SEC14L1: variants seen among roughly 807,000 people sequenced by gnomAD.
SEC14L1 encodes SEC14 like lipid binding 1.
In SEC14L1, 48 loss-of-function variants were observed where a neutral mutation model predicts 85.3. That is an observed-to-expected ratio of 0.56 (90% CI 0.45 to 0.72). The LOEUF (loss-of-function observed/expected upper bound fraction) is 0.72, where lower values mean the gene tolerates loss of function less well. Among genes scored for constraint, SEC14L1 ranks in the 30% least tolerant of loss-of-function variants. The probability of loss-of-function intolerance (pLI) is 0.00; values close to 1 mark genes in which losing one functional copy is unlikely to be tolerated. For synonymous variants in SEC14L1, 391 were observed against 355.5 expected, an observed-to-expected ratio of 1.10 and a Z score of -1.12; for missense variants, 682 against 921.4, an observed-to-expected ratio of 0.74 and a Z score of 3.36.
chr17:77,194,500 T>TTC, intron 6 of SEC14L1, among the ~76,000 whole-genome samples, 177 bp from the exon 7 acceptor site: 1 of 151,520 alleles, frequency 6.6e-6, no homozygotes, highest in Non-Finnish European at 1.5e-5. Flanking sequence ...TACAGTGAGC[T>TTC]GTGATCATGC....
At chr17:77,205,504 CAGTT>C (rs369900470) in intron 11 of SEC14L1, among the ~76,000 whole-genome samples, 158 bp downstream of exon 11, 417 of 152,210 alleles carry the variant, frequency 2.7e-3, no homozygotes, top group African/African-American at 9.8e-3. Flanking sequence ...GAGGGACAGA[CAGTT>C]AGTGTTTTTT....
chr17:77,168,335 T>C (rs1974375837), intron 3 of SEC14L1, among the ~76,000 whole-genome samples: 1 of 152,234 alleles, frequency 6.6e-6, no homozygotes, highest in Non-Finnish European at 1.5e-5. Flanking sequence ...TTGGCTCTGC[T>C]GTTCTTCTCG....
chr17:77,103,442 TTTG>T (rs1555613813), intron 3 of SEC14L1, among the ~76,000 whole-genome samples: 1 of 150,708 alleles, frequency 6.6e-6, no homozygotes, highest in African/African-American at 2.4e-5. Context: ...TTGTTTTTTT[TTTG>T]TTGTTGTTTT....
chr17:77,095,889 C>T (rs542338576), intron 3 of SEC14L1, among the ~76,000 whole-genome samples: 12 of 152,040 alleles, frequency 7.9e-5, no homozygotes, highest in Middle Eastern at 3.4e-3. Flanking sequence ...GTAATGGGCG[C>T]GCTCCTCCTA....
chr17:77,153,170 C>G (rs754009041), intron 3 of SEC14L1, among the ~76,000 whole-genome samples: 9 of 152,190 alleles, frequency 5.9e-5, no homozygotes, highest in Non-Finnish European at 5.9e-5. Flanking sequence ...CGGGTTCCAG[C>G]GATTCTCCTG....
At position 77,205,307 on chromosome 17, in the gene SEC14L1, G is replaced by A. The variant is rs142961659; in HGVS notation, c.1130G>A (p.Arg377Gln). The A allele has an allele frequency of 1.4e-5, 23 of 1,614,014 alleles. No homozygotes were observed. Among genetic ancestry groups the A allele is most frequent in the South Asian group, 5.5e-5 (5 of 91,078 alleles). ...TCCATAAATGAAGAAGGGCTAAGGCGATGCGAAGAGAATACAAAAGTCTTT... is the reference window on the plus strand; with the variant it reads ...TCCATAAATGAAGAAGGGCTAAGGCAATGCGAAGAGAATACAAAAGTCTTT... ...VLSINEEGLR[R>Q]CEENTKVFGR... The change falls in exon 11 of 17, where the codon CGA becomes CAA. Residue 377 changes from arginine (R) to glutamine (Q), a missense_variant. By Grantham distance (43) the Arg-to-Gln change is conservative (BLOSUM62 1). Transcript: ENST00000436233.
At position 77,215,427 on chromosome 17, in the gene SEC14L1, A is replaced by G; in HGVS notation, c.*1404A>G. ...GCTGTCAACTGTGTGCGTGGTAGGCATGGAGATCCTGGTTGTGCCGTCTCA... is the reference window on the plus strand; with the variant it reads ...GCTGTCAACTGTGTGCGTGGTAGGCGTGGAGATCCTGGTTGTGCCGTCTCA... On this transcript the variant is annotated 3_prime_UTR_variant, in exon 17 of 17. Transcript: ENST00000436233. 6 of 985,514 alleles carry G rather than the reference A, an allele frequency of 6.1e-6. No individual in the cohort carries two copies. Among genetic ancestry groups the G allele is most frequent in the Non-Finnish European group, 7.2e-6 (6 of 830,008 alleles). The allele number at this position is 985,514 out of a possible 1,614,324, so 61.0% of individuals were successfully genotyped here. A position where few individuals can be genotyped will look rare whatever the true frequency, so the allele number is the denominator to read the frequency against.
chr17:77,156,928 A>T (rs1973844758), intron 3 of SEC14L1, among the ~76,000 whole-genome samples: 1 of 152,192 alleles, frequency 6.6e-6, no homozygotes, highest in Non-Finnish European at 1.5e-5. Context: ...TACAAAGTAT[A>T]TACAAAATCC....
chr17:77,167,073 A>C (rs1974313548), intron 3 of SEC14L1, among the ~76,000 whole-genome samples: 2 of 151,848 alleles, frequency 1.3e-5, no homozygotes, highest in African/African-American at 4.8e-5. Context: ...GTGAATGTTG[A>C]ATAAGTAATG....
Position 77,206,172 on chromosome 17 carries a change from C to G in SEC14L1, c.1170-57C>G. 6.5e-7 allele frequency: 1 copy of G among 1,542,976 alleles called. No individual in the cohort carries two copies. Among genetic ancestry groups the G allele is most frequent in the East Asian group, 2.3e-5 (1 of 44,092 alleles). On this transcript the variant is annotated intron_variant, in intron 11 of 16. Coordinates refer to ENST00000436233, the MANE Select transcript of SEC14L1 (RefSeq NM_001143998.2). This position sits in a 1 kb window ranked among gnomAD's most constrained non-coding sequence, Gnocchi z 4.3. ...ATGACCAAAAAGGAAGAAAATAAGA[C>G]ACAGTTTGCTAAGTGTGCTGTCTGT... is the stretch of plus-strand genomic sequence containing the variant.
At chr17:77,108,235 A>C (rs1372727113) in intron 3 of SEC14L1, among the ~76,000 whole-genome samples, 2 of 152,104 alleles carry the variant, frequency 1.3e-5, no homozygotes, top group Non-Finnish European at 2.9e-5. Flanking sequence ...GCACTATCTG[A>C]GCTCCACTTT....
At chr17:77,092,467 T>C (rs1971540192) in intron 2 of SEC14L1, among the ~76,000 whole-genome samples, 1 of 151,978 alleles carries the variant, frequency 6.6e-6, no homozygotes, top group Non-Finnish European at 1.5e-5. Flanking sequence ...CATGGAAGAA[T>C]GTGGGGAGCT....
chr17:77,143,969 G>C, intron 3 of SEC14L1: 2 of 262,840 alleles, frequency 7.6e-6, no homozygotes, highest in South Asian at 4.8e-5. Context: ...TTTTTCCTTC[G>C]TTAGAGTAGC....
chr17:77,164,970 C>T (rs765343605), intron 3 of SEC14L1, among the ~76,000 whole-genome samples: 6 of 152,172 alleles, frequency 3.9e-5, no homozygotes, highest in Non-Finnish European at 7.3e-5. Flanking sequence ...CCAAGTAGAT[C>T]GTGTTTCCTT....
At chr17:77,161,707 T>G (rs148142644) in intron 3 of SEC14L1, among the ~76,000 whole-genome samples, 2,100 of 139,892 alleles carry the variant, frequency 0.015, 48 homozygotes, top group Admixed American at 0.045. Flanking sequence ...GTCCTTAAAT[T>G]GGTTCTTTTT....
chr17:77,121,608 C>T (rs1190617933), intron 3 of SEC14L1, among the ~76,000 whole-genome samples: 3 of 152,194 alleles, frequency 2.0e-5, no homozygotes, highest in South Asian at 2.1e-4. Context: ...CCACCCACCT[C>T]GGCCTCCCAA....
At position 77,213,721 on chromosome 17, in the gene SEC14L1, C is replaced by T; in HGVS notation, c.2043-197C>T. 1.2e-6 allele frequency: 1 copy of T among 863,462 alleles called. No individual in the cohort carries two copies. Among genetic ancestry groups the T allele is most frequent in the South Asian group, 1.4e-5 (1 of 70,438 alleles). The allele number at this position is 863,462 out of a possible 1,614,324, so 53.5% of individuals were successfully genotyped here. On this transcript the variant is annotated intron_variant, in intron 16 of 16. Coordinates refer to ENST00000436233, the MANE Select transcript of SEC14L1 (RefSeq NM_001143998.2). This position sits in a 1 kb window ranked among gnomAD's most constrained non-coding sequence, Gnocchi z 7.1. ...GACTGACTGCCTTTGCTTTAGCTCA[C>T]ACTGCCGTCTGCGTGCAGGCTGTGG...
At chr17:77,204,982 A>T (rs1321241912) in intron 10 of SEC14L1, among the ~76,000 whole-genome samples, 1 of 152,190 alleles carries the variant, frequency 6.6e-6, no homozygotes, top group East Asian at 1.9e-4. Flanking sequence ...CTTGTTCTGA[A>T]GACAGAGCCC....
At chr17:77,150,446 A>G in intron 3 of SEC14L1, among the ~76,000 whole-genome samples, 1 of 152,234 alleles carries the variant, frequency 6.6e-6, no homozygotes, top group East Asian at 1.9e-4. Flanking sequence ...GAATCAGTTT[A>G]TAAGTGAGTA....
Sources: allele counts gnomAD v4.1 joint callset (sites outside exome capture counted in the v4.1 genomes callset), GRCh38; gene constraint gnomAD v4.1.1; non-coding constraint Gnocchi (gnomAD v3.1); transcripts MANE v1.5; gene names NCBI Gene and HGNC (gene_info 2026-07-23, HGNC 2026-07-21).